The following DNAAF11 variants were observed in gnomAD, a reference collection of about 807,000 sequenced individuals.
The protein encoded by DNAAF11 is leucine rich repeat containing 6.
Under a neutral mutation model 60.8 loss-of-function variants are expected in DNAAF11, and 45 were observed. The observed-to-expected ratio is 0.74, with a 90% CI of 0.58 to 0.95. The LOEUF is 0.95. DNAAF11 is among the 40% of genes least tolerant of loss of function. The pLI is 0.00. For synonymous variants in DNAAF11, 191 were observed against 183.5 expected, an observed-to-expected ratio of 1.04 and a Z score of -0.33; for missense variants, 546 against 546.2, an observed-to-expected ratio of 1.00 and a Z score of 0.00.
chr8:132,646,599 G>A (rs1313501078), intron 3 of DNAAF11, among the ~76,000 whole-genome samples: 2 of 152,118 alleles, frequency 1.3e-5, no homozygotes, highest in African/African-American at 4.8e-5. Context: ...CCCATCTCAC[G>A]TGCAGAGACA....
At chr8:132,613,024 C>A (rs1484857051) in intron 8 of DNAAF11, among the ~76,000 whole-genome samples, 1 of 152,178 alleles carries the variant, frequency 6.6e-6, no homozygotes, top group Non-Finnish European at 1.5e-5. Flanking sequence ...AAAGGACTTA[C>A]AAGGATGAAA....
the DNAAF11 span, among the ~76,000 whole-genome samples, chr8:132,691,102 T>C: frequency 6.7e-6 from 1 of 148,254 alleles, no homozygotes; most frequent in Non-Finnish European, 1.5e-5. Context: ...CCTCAGTGTG[T>C]AGTATCTGTA....
chr8:132,634,922 GTAATTGAAGTACAT>G, intron 4 of DNAAF11, among the ~76,000 whole-genome samples: 1 of 151,908 alleles, frequency 6.6e-6, no homozygotes, highest in Non-Finnish European at 1.5e-5. Context: ...TTTCTTCCTT[GTAATTGAAGTACAT>G]TAATTGATTG....
chr8:132,658,611 G>A lies in DNAAF11; in HGVS notation c.179-1704C>T, dbSNP rs1450510973. ...GTTGGGATTACAGGCATGAGCCACC[G>A]CTCCCAGCAGATTTGGAGGTTTCTA... On this transcript the variant is annotated intron_variant, in intron 2 of 11. Coordinates refer to ENST00000620350, the MANE Select transcript of DNAAF11 (RefSeq NM_012472.6). Among the ~76,000 whole-genome samples the A allele has an allele frequency of 3.3e-5, 5 of 152,098 alleles. 1 individual carries two copies. The highest frequency in any genetic ancestry group is 1.9e-4 in the East Asian group (1 of 5,192).
intron 11 of DNAAF11, among the ~76,000 whole-genome samples, chr8:132,579,770 G>A (rs543711419): frequency 4.0e-4 from 61 of 152,230 alleles, no homozygotes; most frequent in African/African-American, 1.4e-3. Flanking sequence ...TGCAGCGGGC[G>A]GATCACTTGA....
At chr8:132,660,794 C>T (rs1413724293) in intron 2 of DNAAF11, among the ~76,000 whole-genome samples, 2 of 152,186 alleles carry the variant, frequency 1.3e-5, no homozygotes, top group East Asian at 1.9e-4. Context: ...AAAGGCCCAC[C>T]TGGGGAGGAG....
rs35316805 is a variant in DNAAF11 at position 132,602,744 on chromosome 8, A to AATATATATATATAT, written c.1140+7408_1140+7421dup. 6.3e-5 allele frequency among the ~76,000 whole-genome samples: 9 copies of AATATATATATATAT among 141,870 alleles called. No homozygotes were observed. In the South Asian group the frequency reaches 6.9e-4, roughly 11 times the overall value. The allele number at this position is 141,870 out of a possible 152,430, so 93.1% of individuals were successfully genotyped here. A position where few individuals can be genotyped will look rare whatever the true frequency, so the allele number is the denominator to read the frequency against. ...TTTGCATACTGGATACTTAATTTGA[A>AATATATATATATAT]ATATATATATATATATATATATATA... On this transcript the variant is annotated intron_variant, in intron 10 of 11. Coordinates refer to ENST00000620350, the MANE Select transcript of DNAAF11 (RefSeq NM_012472.6).
chr8:132,619,316 G>C (rs1819524696), intron 7 of DNAAF11, among the ~76,000 whole-genome samples: 2 of 151,948 alleles, frequency 1.3e-5, no homozygotes, highest in Middle Eastern at 3.4e-3. Context: ...GGGGATGGGG[G>C]AGGGATAGCA....
At chr8:132,687,440 CAG>C in the DNAAF11 span, 4 of 347,430 alleles carry the variant, frequency 1.2e-5, no homozygotes, top group Non-Finnish European at 2.3e-5. Context: ...TCCTGCTCTC[CAG>C]AGAGTCTTTT....
chr8:132,600,104 TCA>T (rs1198686989), intron 10 of DNAAF11, among the ~76,000 whole-genome samples: 1 of 152,108 alleles, frequency 6.6e-6, no homozygotes, highest in Non-Finnish European at 1.5e-5. Flanking sequence ...TGTGCAAAAA[TCA>T]CAAGCATTCC....
At chr8:132,607,125 A>C (rs1359387760) in intron 10 of DNAAF11, among the ~76,000 whole-genome samples, 2 of 152,150 alleles carry the variant, frequency 1.3e-5, no homozygotes, top group African/African-American at 4.8e-5. Context: ...TGCAGCCTCC[A>C]TTCCTGGTAA....
At chr8:132,682,684 A>G in the DNAAF11 span, among the ~76,000 whole-genome samples, 1 of 152,206 alleles carries the variant, frequency 6.6e-6, no homozygotes, top group East Asian at 1.9e-4. Flanking sequence ...CTAGTGTCTT[A>G]GTTATTTTGT....
intron 10 of DNAAF11, among the ~76,000 whole-genome samples, chr8:132,596,327 T>C (rs1333466007): frequency 6.6e-6 from 1 of 152,204 alleles, no homozygotes; most frequent in East Asian, 1.9e-4. Flanking sequence ...TTATGTGGCC[T>C]TGAGTAACCA....
intron 6 of DNAAF11, among the ~76,000 whole-genome samples, chr8:132,624,102 C>T (rs377447722): frequency 2.5e-4 from 38 of 152,224 alleles, no homozygotes; most frequent in African/African-American, 8.2e-4. Flanking sequence ...TCTACATACC[C>T]ACAGATATAT....
chr8:132,607,213 C>T (rs1311428220), intron 10 of DNAAF11, among the ~76,000 whole-genome samples: 2 of 152,198 alleles, frequency 1.3e-5, no homozygotes, highest in Non-Finnish European at 1.5e-5. Flanking sequence ...CAGAGTACAC[C>T]TCTTCTACTA....
At chr8:132,581,281 T>TA (rs1441649035) in intron 11 of DNAAF11, among the ~76,000 whole-genome samples, 2 of 152,008 alleles carry the variant, frequency 1.3e-5, no homozygotes, top group Admixed American at 1.3e-4. Context: ...TAATTAACCA[T>TA]AAAAAAGTTT....
intron 10 of DNAAF11, 79 bp from the exon 11 acceptor site, chr8:132,583,858 A>T: frequency 1.1e-6 from 1 of 920,990 alleles, no homozygotes; most frequent in Non-Finnish European, 1.7e-6. Flanking sequence ...TATGTATTTT[A>T]AAAGATACTA....
chr8:132,581,563 TC>T (rs1321378056), intron 11 of DNAAF11, among the ~76,000 whole-genome samples: 7 of 149,286 alleles, frequency 4.7e-5, no homozygotes, highest in Non-Finnish European at 1.0e-4. Context: ...GGCTGGAGAA[TC>T]GCTTGAATCC....
intron 10 of DNAAF11, among the ~76,000 whole-genome samples, chr8:132,605,259 G>C (rs1025437810): frequency 1.3e-5 from 2 of 152,124 alleles, no homozygotes; most frequent in Non-Finnish European, 2.9e-5. Context: ...TTTAATTCAG[G>C]TTCTCTGGCT....
Sources: gnomAD v4.1 joint callset for allele counts (sites outside exome capture counted in the v4.1 genomes callset) on GRCh38, gnomAD v4.1.1 for gene constraint, MANE v1.5 for transcripts, NCBI Gene and HGNC (gene_info 2026-07-23, HGNC 2026-07-21) for gene names.